The following UBXN8 variants were observed in gnomAD, a reference collection of about 807,000 sequenced individuals.
UBXN8 encodes the protein UBX domain protein 8, also known as UBX domain-containing protein 8.
Under a neutral mutation model 32.1 loss-of-function variants are expected in UBXN8, and 27 were observed. That is an observed-to-expected ratio of 0.84 (90% CI 0.62 to 1.16). UBXN8 has a LOEUF of 1.16. Among genes scored for constraint, UBXN8 ranks in the 50% most tolerant of loss-of-function variants. UBXN8 has a pLI of 0.00. For synonymous variants in UBXN8, 109 were observed against 111.8 expected (o/e 0.98, Z 0.16); for missense variants, 306 against 311.4 (o/e 0.98, Z 0.13).
chr8:30,756,951 T>C, intron 5 of UBXN8, 64 bp downstream of exon 5: 1 of 1,594,586 alleles, frequency 6.3e-7, no homozygotes. Flanking sequence ...GAACTCTGGG[T>C]GAGGTGGTAT....
At chr8:30,744,622 A>C (rs1805314446) in intron 1 of UBXN8, among the ~76,000 whole-genome samples, 1 of 152,238 alleles carries the variant, frequency 6.6e-6, no homozygotes, top group African/African-American at 2.4e-5. Flanking sequence ...TTGTTTTTAG[A>C]GACAGGGTCT....
At chr8:30,733,862 G>C (rs747143661) in intron 1 of UBXN8, 2 of 152,200 alleles carry the variant, frequency 1.3e-5, no homozygotes, top group Non-Finnish European at 2.9e-5. Flanking sequence ...TCTTAAATTT[G>C]AGAAACATTG....
intron 6 of UBXN8, among the ~76,000 whole-genome samples, chr8:30,761,929 C>A (rs1253696025): frequency 6.6e-6 from 1 of 152,046 alleles, no homozygotes; most frequent in African/African-American, 2.4e-5. Flanking sequence ...TCACTGGCCA[C>A]CCAACTTATA....
chr8:30,750,772 CAA>C (rs11308328), intron 1 of UBXN8, among the ~76,000 whole-genome samples: 53 of 122,692 alleles, frequency 4.3e-4, no homozygotes, highest in Admixed American at 4.7e-4. Context: ...GACTCTGTCT[CAA>C]AAAAAAAAAA....
At chr8:30,739,457 C>A (rs1033701325), upstream of UBXN8, among the ~76,000 whole-genome samples, 1 of 151,906 alleles carries the variant, frequency 6.6e-6, no homozygotes, top group South Asian at 2.1e-4. Flanking sequence ...GGAAGGAGAA[C>A]GGCGTGAACC....
chr8:30,760,624 C>T (rs933559164), intron 5 of UBXN8, among the ~76,000 whole-genome samples: 1 of 151,382 alleles, frequency 6.6e-6, no homozygotes, highest in Non-Finnish European at 1.5e-5. Flanking sequence ...TATTTTGGAA[C>T]ATAATAGAAG....
At chr8:30,758,693 G>A (rs1014257460) in intron 5 of UBXN8, among the ~76,000 whole-genome samples, 1 of 152,104 alleles carries the variant, frequency 6.6e-6, no homozygotes, top group African/African-American at 2.4e-5. Flanking sequence ...TTTGTGTTTT[G>A]TTAATGACAC....
At chr8:30,760,443 A>ATATATTTTTTT (rs1196366158) in intron 5 of UBXN8, among the ~76,000 whole-genome samples, 5 of 91,118 alleles carry the variant, frequency 5.5e-5, no homozygotes, top group East Asian at 3.0e-4. Context: ...ATATATATAT[A>ATATATTTTTTT]TTTTTTTTTT....
rs371968315 is a variant in UBXN8, at chr8:30,766,356, A to G, written c.775A>G (p.Thr259Ala). 6.2e-7 allele frequency: 1 copy of G among 1,612,772 alleles called. No homozygotes were observed. Among genetic ancestry groups the G allele is most frequent in the Non-Finnish European group, 8.5e-7 (1 of 1,179,328 alleles). Residue 259 changes from threonine to alanine, a missense_variant, in exon 8 of 8, where the codon ACT becomes GCT. Coordinates refer to ENST00000265616, the MANE Select transcript of UBXN8 (RefSeq NM_005671.4). ...GGAGGACATAGGAATAACTGTGGACACTGTACTCATCCTGGAGGAGAAGGA... is the reference window on the plus strand; with the variant it reads ...GGAGGACATAGGAATAACTGTGGACGCTGTACTCATCCTGGAGGAGAAGGA... ...SLEDIGITVD[T>A]VLILEEKEQT...
Position 30,751,391 on chromosome 8 carries a change from A to C in UBXN8, c.89-5A>C. 1 of 1,566,688 alleles carries C rather than the reference A, an allele frequency of 6.4e-7. No individual in the cohort carries two copies. ...ATTTTAATTTTAGTTTTTTTCCTTT[A>C]TCAGGAATCAAGGATTTTCTTTTGC... On this transcript the variant is annotated splice_region_variant and splice_polypyrimidine_tract_variant and intron_variant, in intron 1 of 7. Transcript: ENST00000265616.
At chr8:30,761,286 C>T (rs572095952) in intron 6 of UBXN8, among the ~76,000 whole-genome samples, 2 of 152,064 alleles carry the variant, frequency 1.3e-5, no homozygotes, top group African/African-American at 2.4e-5. Context: ...CTCTTGTCAC[C>T]CAGGCTAGAG....
chr8:30,730,949 A>G (rs1234377955), upstream of UBXN8, among the ~76,000 whole-genome samples: 1 of 152,216 alleles, frequency 6.6e-6, no homozygotes, highest in Non-Finnish European at 1.5e-5. Flanking sequence ...AGAGAGAATG[A>G]ACGTCAGGCC....
intron 1 of UBXN8, among the ~76,000 whole-genome samples, chr8:30,738,175 TA>T (rs1805109084): frequency 6.6e-6 from 1 of 150,948 alleles, no homozygotes. Context: ...GCAATAATCA[TA>T]AAAGAAAACT....
At chr8:30,742,021 T>C (rs1019249453), upstream of UBXN8, among the ~76,000 whole-genome samples, 7 of 151,912 alleles carry the variant, frequency 4.6e-5, no homozygotes, top group African/African-American at 1.5e-4. Flanking sequence ...ATACAGGAGG[T>C]AGGTGGTTAA....
At chr8:30,740,041 A>C (rs924993706), upstream of UBXN8, among the ~76,000 whole-genome samples, 2 of 152,114 alleles carry the variant, frequency 1.3e-5, no homozygotes, top group Non-Finnish European at 2.9e-5. Context: ...AGCTGTGACC[A>C]CAGGTGCATG....
chr8:30,758,900 T>TTTTG (rs1805746396), intron 5 of UBXN8, among the ~76,000 whole-genome samples: 1 of 122,028 alleles, frequency 8.2e-6, no homozygotes, highest in East Asian at 2.4e-4. Flanking sequence ...TTTTGTTTTT[T>TTTTG]TTTTTTTTTT....
chr8:30,756,321 T>G (rs896185438), intron 4 of UBXN8: 1 of 158,892 alleles, frequency 6.3e-6, no homozygotes, highest in Non-Finnish European at 1.4e-5. Flanking sequence ...TTGTATGTCT[T>G]TTTAGTAGAG....
intron 5 of UBXN8, among the ~76,000 whole-genome samples, chr8:30,760,437 A>AT (rs1361022250): frequency 4.2e-3 from 188 of 44,886 alleles, no homozygotes; most frequent in African/African-American, 0.016. Flanking sequence ...ATATATATAT[A>AT]TATATATTTT....
upstream of UBXN8, among the ~76,000 whole-genome samples, chr8:30,741,555 G>A (rs150067614): frequency 0.017 from 2,550 of 146,248 alleles, 37 homozygotes; most frequent in South Asian, 0.024. Flanking sequence ...GAGTTCAAGT[G>A]ATTCTGGTAC....
Sources: allele counts gnomAD v4.1 joint callset (sites outside exome capture counted in the v4.1 genomes callset), GRCh38; gene constraint gnomAD v4.1.1; transcripts MANE v1.5; gene names NCBI Gene and HGNC (gene_info 2026-07-23, HGNC 2026-07-21).